Variants in PARD3 observed in about 807,000 individuals in gnomAD.
PARD3 encodes the protein partitioning defective 3 homolog.
Under a neutral mutation model 155.4 loss-of-function variants are expected in PARD3, and 75 were observed. The observed-to-expected ratio is 0.48, with a 90% confidence interval of 0.40 to 0.58. The LOEUF is 0.58. PARD3 is among the 20% of genes least tolerant of loss of function. PARD3 has a pLI of 0.00. For missense variants in PARD3, 1,642 were observed against 1,721.7 expected (o/e 0.95, Z 0.82); for synonymous variants, 576 against 610.5 (o/e 0.94, Z 0.83).
intron 1 of PARD3, among the ~76,000 whole-genome samples, chr10:34,756,678 T>C (rs1471537086): frequency 6.6e-6 from 1 of 151,910 alleles, no homozygotes; most frequent in Non-Finnish European, 1.5e-5. Flanking sequence ...GGCCTCAAAC[T>C]GCTAGCATCA....
At chr10:34,154,406 C>T (rs72784165) in intron 22 of PARD3, among the ~76,000 whole-genome samples, 18,592 of 152,086 alleles carry the variant, frequency 0.12, 2,261 homozygotes, top group East Asian at 0.31. Flanking sequence ...GGTGAACGCC[C>T]ACACTGCAGC....
At chr10:34,569,403 T>C (rs1385633511) in intron 2 of PARD3, among the ~76,000 whole-genome samples, 1 of 152,136 alleles carries the variant, frequency 6.6e-6, no homozygotes, top group Non-Finnish European at 1.5e-5. Context: ...TATAACACTG[T>C]GTTACACGTG....
chr10:34,354,658 G>A (rs1377930460), intron 14 of PARD3, among the ~76,000 whole-genome samples: 1 of 152,088 alleles, frequency 6.6e-6, no homozygotes, highest in Non-Finnish European at 1.5e-5. Context: ...CTAGGATGAG[G>A]GGCAGATAGA....
intron 1 of PARD3, among the ~76,000 whole-genome samples, chr10:34,781,771 G>A (rs370965279): frequency 2.0e-5 from 3 of 152,118 alleles, no homozygotes; most frequent in Non-Finnish European, 4.4e-5. Flanking sequence ...TATTGCCCCC[G>A]ACCTAGAACA....
Position 34,599,544 on chromosome 10 carries a change from T to A in PARD3, c.223-82385A>T, listed in dbSNP as rs548332275. 2.0e-5 allele frequency among the ~76,000 whole-genome samples: 3 copies of A among 152,362 alleles called. No individual in the cohort carries two copies. In the South Asian group the frequency reaches 6.2e-4, roughly 32 times the overall value. On this transcript the variant is annotated intron_variant, in intron 2 of 24. Transcript: ENST00000374788. ...ACAACTCAGACTAGGAATGTTGTTA[T>A]CTTCAAGTATTTGAATGAACCAAGT...
chr10:34,590,602 C>T (rs2088588933), intron 2 of PARD3, among the ~76,000 whole-genome samples: 2 of 152,098 alleles, frequency 1.3e-5, no homozygotes, highest in Admixed American at 1.3e-4. Context: ...TTTGTGTTAG[C>T]CAAAGGAGAG....
intron 19 of PARD3, among the ~76,000 whole-genome samples, chr10:34,323,084 G>A (rs1041157151): frequency 6.6e-6 from 1 of 152,208 alleles, no homozygotes; most frequent in Non-Finnish European, 1.5e-5. Flanking sequence ...ACAACTAAAT[G>A]AGGACTGGAC....
intron 2 of PARD3, among the ~76,000 whole-genome samples, chr10:34,644,003 A>G (rs1385354516): frequency 6.6e-6 from 1 of 152,228 alleles, no homozygotes; most frequent in Non-Finnish European, 1.5e-5. Context: ...CTTCGTGTGC[A>G]CACATGTGTA....
rs1348391231 is a variant in PARD3 at position 34,145,209 on chromosome 10, ATATATATATATATTTT to A, written c.3420-13642_3420-13627del. 1.1e-3 allele frequency among the ~76,000 whole-genome samples: 67 copies of A among 63,740 alleles called. 1 individual carries two copies. The highest frequency in any genetic ancestry group is 4.9e-3 in the African/African-American group (56 of 11,370). The allele number at this position is 63,740 out of a possible 152,430, so 41.8% of individuals were successfully genotyped here. The stretch of plus-strand genomic sequence containing the variant: ...TGTGTGTATATATATATATATATAT[ATATATATATATATTTT>A]TTTTTTTTTTTTTTTTACAGGATCT... On this transcript the variant is annotated intron_variant, in intron 22 of 24. Coordinates refer to ENST00000374788, the MANE Select transcript of PARD3 (RefSeq NM_001184785.2).
At chr10:34,613,926 C>G (rs1281804911) in intron 2 of PARD3, among the ~76,000 whole-genome samples, 1 of 152,048 alleles carries the variant, frequency 6.6e-6, no homozygotes, top group African/African-American at 2.4e-5. Flanking sequence ...CAAATCTTTT[C>G]CTGAACTAAC....
In PARD3 at chr10:34,562,759, A is replaced by T. The variant is rs1400497211; in HGVS notation, c.223-45600T>A. On this transcript the variant is annotated intron_variant, in intron 2 of 24. Transcript: ENST00000374788. ...TAACTTATTAAAACTGATTATTTTAATTTTTTTTTTTTAATTCTAAGTACA... is the reference window on the plus strand; with the variant it reads ...TAACTTATTAAAACTGATTATTTTATTTTTTTTTTTTTAATTCTAAGTACA... Among the ~76,000 whole-genome samples the T allele has an allele frequency of 6.1e-5, 9 of 148,314 alleles. No individual in the cohort carries two copies. The East Asian group carries it at 7.8e-4, about 13-fold the overall frequency.
At chr10:34,751,645 C>T (rs1043057703) in intron 1 of PARD3, among the ~76,000 whole-genome samples, 6 of 152,048 alleles carry the variant, frequency 3.9e-5, no homozygotes, top group African/African-American at 1.5e-4. Flanking sequence ...GCTCTATGAC[C>T]CAGGCTAGAG....
chr10:34,408,442 A>G (rs1844719762), intron 5 of PARD3, among the ~76,000 whole-genome samples: 1 of 152,184 alleles, frequency 6.6e-6, no homozygotes, highest in African/African-American at 2.4e-5. Context: ...TATCCTAGAG[A>G]AAATATTTAT....
At chr10:34,628,443 A>T (rs533007622) in intron 2 of PARD3, among the ~76,000 whole-genome samples, 2 of 152,368 alleles carry the variant, frequency 1.3e-5, no homozygotes, top group African/African-American at 2.4e-5. Context: ...AAAGGGCCAC[A>T]GAGTATGGAT....
At chr10:34,125,216 G>A (rs1480224406) in intron 23 of PARD3, among the ~76,000 whole-genome samples, 1 of 151,978 alleles carries the variant, frequency 6.6e-6, no homozygotes. Flanking sequence ...ACAGGCACCT[G>A]CCACCACGCC....
chr10:34,593,467 T>C (rs74363074), intron 2 of PARD3, among the ~76,000 whole-genome samples: 2,088 of 152,292 alleles, frequency 0.014, 56 homozygotes, highest in African/African-American at 0.047. Context: ...TTTTATGATA[T>C]AGAATGTGCA....
At chr10:34,581,229 C>CTTTTTT (rs1564376327) in intron 2 of PARD3, among the ~76,000 whole-genome samples, 20 of 95,134 alleles carry the variant, frequency 2.1e-4, no homozygotes, top group African/African-American at 8.6e-4. Context: ...TTTTCTTTTT[C>CTTTTTT]TTTTCTTTTT....
chr10:34,263,259 T>C (rs1309878615), intron 22 of PARD3, among the ~76,000 whole-genome samples: 1 of 152,230 alleles, frequency 6.6e-6, no homozygotes, highest in Non-Finnish European at 1.5e-5. Context: ...TTATATGTCA[T>C]TAACACAGTT....
At chr10:34,590,084 C>T (rs7073123) in intron 2 of PARD3, among the ~76,000 whole-genome samples, 4,366 of 152,214 alleles carry the variant, frequency 0.029, 208 homozygotes, top group African/African-American at 0.099. Context: ...CTTCCTAACA[C>T]GAATATGATG....
Sources: gnomAD v4.1 joint callset for allele counts (sites outside exome capture counted in the v4.1 genomes callset) on GRCh38, gnomAD v4.1.1 for gene constraint, MANE v1.5 for transcripts, NCBI Gene and HGNC (gene_info 2026-07-23, HGNC 2026-07-21) for gene names.